Variants in ANO10 observed in about 807,000 individuals in gnomAD.
ANO10 encodes anoctamin 10.
ANO10 carries 77 observed loss-of-function variants against 74.7 expected under a neutral mutation model. The ratio of observed to expected loss-of-function variants is 1.03; its 90% CI spans 0.86 to 1.25. The LOEUF is 1.25. Ranked by LOEUF, ANO10 falls within the 50% of genes most tolerant of loss-of-function variation. The pLI is 0.00. For missense variants in ANO10, 721 were observed against 778.1 expected (o/e 0.93, Z 0.87); for synonymous variants, 279 against 284.9 (o/e 0.98, Z 0.21).
intron 11 of ANO10, among the ~76,000 whole-genome samples, chr3:43,483,521 A>G (rs947593719): frequency 6.6e-6 from 1 of 152,234 alleles, no homozygotes; most frequent in Non-Finnish European, 1.5e-5. Flanking sequence ...CAATTGCCTC[A>G]GCACCTCACA....
At chr3:43,552,895 G>A (rs550152194) in intron 10 of ANO10, among the ~76,000 whole-genome samples, 49 of 152,060 alleles carry the variant, frequency 3.2e-4, no homozygotes, top group South Asian at 2.3e-3. Flanking sequence ...CCAGGTTCAA[G>A]CAATTCTCCT....
At chr3:43,495,825 G>A (rs1173979819) in intron 11 of ANO10, among the ~76,000 whole-genome samples, 9 of 151,868 alleles carry the variant, frequency 5.9e-5, no homozygotes, top group African/African-American at 1.7e-4. Context: ...TCAGCCTCCC[G>A]AGTAGCTGGG....
intron 11 of ANO10, among the ~76,000 whole-genome samples, chr3:43,474,208 T>C (rs917632656): frequency 1.3e-5 from 2 of 152,104 alleles, no homozygotes; most frequent in African/African-American, 4.8e-5. Context: ...GTTTCAGTAC[T>C]TCCCCGCCCC....
At chr3:43,390,248 T>G (rs1268414115) in intron 12 of ANO10, among the ~76,000 whole-genome samples, 2 of 152,164 alleles carry the variant, frequency 1.3e-5, no homozygotes. Context: ...CCTCTGGGTC[T>G]CCTCTCCCAC....
At chr3:43,383,752 A>C (rs2092039252) in intron 12 of ANO10, among the ~76,000 whole-genome samples, 1 of 152,230 alleles carries the variant, frequency 6.6e-6, no homozygotes, top group Admixed American at 6.5e-5. Flanking sequence ...ACCCTCAGCA[A>C]AATCAGCATA....
At chr3:43,551,165 GATCTT>G (rs542720620) in intron 10 of ANO10, among the ~76,000 whole-genome samples, 24 of 152,190 alleles carry the variant, frequency 1.6e-4, no homozygotes, top group Non-Finnish European at 3.5e-4. Flanking sequence ...TACAATTGGT[GATCTT>G]ATAAGTACAT....
rs149303679 is a variant in ANO10, at chr3:43,473,769, C to T, written c.1798-41042G>A. Among the ~76,000 whole-genome samples, 107 of 152,294 alleles carry T rather than the reference C, an allele frequency of 7.0e-4. 1 individual carries two copies. Among genetic ancestry groups the T allele is most frequent in the African/African-American group, 2.2e-3 (92 of 41,558 alleles). ...CATAGGATGTTCAGCAGCACTTCAA[C>T]ATTGAATAAATGAATGAATGATCCT... On this transcript the variant is annotated intron_variant, in intron 11 of 12. Coordinates refer to ENST00000292246, the MANE Select transcript of ANO10 (RefSeq NM_018075.5).
chr3:43,559,465 T>C (rs1459725037), intron 9 of ANO10, among the ~76,000 whole-genome samples: 2 of 152,144 alleles, frequency 1.3e-5, no homozygotes, highest in Non-Finnish European at 2.9e-5. Context: ...TATGGAGAAT[T>C]ATTGCAGAAA....
chr3:43,402,361 G>A (rs913935055), intron 12 of ANO10, among the ~76,000 whole-genome samples: 1 of 152,142 alleles, frequency 6.6e-6, no homozygotes, highest in Non-Finnish European at 1.5e-5. Flanking sequence ...AGGACCACTT[G>A]CCTAGATGTG....
chr3:43,406,885 C>T (rs192334412), intron 12 of ANO10, among the ~76,000 whole-genome samples: 43 of 151,828 alleles, frequency 2.8e-4, no homozygotes, highest in African/African-American at 8.7e-4. Flanking sequence ...GCAGTGTGCA[C>T]GCTGAGTCTC....
intron 11 of ANO10, among the ~76,000 whole-genome samples, chr3:43,532,589 T>C (rs1437150358): frequency 6.6e-6 from 1 of 152,178 alleles, no homozygotes; most frequent in Non-Finnish European, 1.5e-5. Context: ...TATAATAAAA[T>C]TGACTGGTGT....
intron 1 of ANO10, among the ~76,000 whole-genome samples, chr3:43,614,120 A>G (rs1469772822): frequency 6.6e-6 from 1 of 152,242 alleles, no homozygotes; most frequent in African/African-American, 2.4e-5. Context: ...TGTTCCGCAG[A>G]GTATCTGGGG....
chr3:43,691,013 G>A lies in ANO10; in HGVS notation c.-12+504C>T, dbSNP rs780461803. 24 of 1,568,190 alleles carry A rather than the reference G, an allele frequency of 1.5e-5. No individual in the cohort carries two copies. Among genetic ancestry groups the A allele is most frequent in the Middle Eastern group, 1.7e-4 (1 of 5,936 alleles). On this transcript the variant is annotated intron_variant, in intron 1 of 3. Transcript: ENST00000413397. ...CGGCTATGGCGGCGGAGGAGGAGGAGGTGGACTCTGCCGACACCGGAGAGA... is the reference window on the plus strand; with the variant it reads ...CGGCTATGGCGGCGGAGGAGGAGGAAGTGGACTCTGCCGACACCGGAGAGA...
chr3:43,683,034 C>T (rs946631266), intron 1 of ANO10, among the ~76,000 whole-genome samples: 7 of 152,190 alleles, frequency 4.6e-5, no homozygotes, highest in Admixed American at 1.3e-4. Context: ...ACAGGGATGC[C>T]GTCTCTCACC....
chr3:43,417,886 A>G (rs1559525270), intron 12 of ANO10, among the ~76,000 whole-genome samples: 2 of 152,214 alleles, frequency 1.3e-5, no homozygotes, highest in Non-Finnish European at 2.9e-5. Context: ...CTTATAGTCT[A>G]TGGTCTAAAG....
At chr3:43,618,407 C>G (rs866084274) in intron 1 of ANO10, among the ~76,000 whole-genome samples, 6 of 152,192 alleles carry the variant, frequency 3.9e-5, no homozygotes, top group Non-Finnish European at 1.5e-5. Flanking sequence ...CTCACTCATG[C>G]CTCCATCTAC....
chr3:43,562,653 C>G (rs915480864), intron 8 of ANO10, among the ~76,000 whole-genome samples: 1 of 151,274 alleles, frequency 6.6e-6, no homozygotes. Flanking sequence ...TGCACTCCAG[C>G]CTGGGCAACA....
intron 12 of ANO10, among the ~76,000 whole-genome samples, chr3:43,423,325 C>T (rs1327299836): frequency 6.6e-6 from 1 of 152,042 alleles, no homozygotes; most frequent in African/African-American, 2.4e-5. Context: ...AATATATTGG[C>T]TTGTGAATTA....
intron 9 of ANO10, among the ~76,000 whole-genome samples, chr3:43,558,700 A>T (rs77447552): frequency 8.1e-4 from 124 of 152,294 alleles, no homozygotes; most frequent in African/African-American, 2.8e-3. Flanking sequence ...CATTGATTTC[A>T]ATTAGGAGAA....
Sources: allele counts gnomAD v4.1 joint callset (sites outside exome capture counted in the v4.1 genomes callset), GRCh38; gene constraint gnomAD v4.1.1; transcripts MANE v1.5; gene names NCBI Gene and HGNC (gene_info 2026-07-23, HGNC 2026-07-21).